Variants in RIPK4 observed in about 807,000 individuals in gnomAD.
The protein encoded by RIPK4 is receptor interacting serine/threonine kinase 4.
A neutral mutation model predicts 42.9 loss-of-function variants in RIPK4; 17 were observed. The observed-to-expected ratio is 0.40, with a 90% CI of 0.27 to 0.59. The LOEUF is 0.59. Ranked by LOEUF, RIPK4 falls within the 20% of genes least tolerant of loss-of-function variation. RIPK4 has a pLI of 0.47. For missense variants in RIPK4, 897 were observed against 1,104.4 expected (o/e 0.81, Z 2.66); for synonymous variants, 498 against 499.1 (o/e 1.00, Z 0.03).
In RIPK4 at chr21:41,741,036, C is replaced by T. The variant is rs776979756; in HGVS notation, c.2157G>A (p.Val719=). ...TGACATCGGCGCTGACCAACTCCTC[C>T]ACCACCTCCGAGTGCCCGTGGGCGG... ...LAAAHGHSEV[V]EELVSADVID... The change falls in exon 8 of 8, where the codon GTG becomes GTA. Residue 719 remains valine (V), a synonymous_variant. Coordinates refer to ENST00000332512, the MANE Select transcript of RIPK4 (RefSeq NM_020639.3). 1.7e-5 allele frequency: 28 copies of T among 1,609,622 alleles called. No homozygotes were observed. In the Admixed American group the frequency reaches 4.2e-4, roughly 24 times the overall value.
intron 7 of RIPK4, among the ~76,000 whole-genome samples, chr21:41,743,528 G>A (rs758600167): frequency 3.9e-5 from 6 of 152,188 alleles, no homozygotes; most frequent in South Asian, 2.1e-4. Context: ...GGACTGCCAC[G>A]CCCGAGACAG....
At chr21:41,762,313 AG>A (rs2061223020) in intron 1 of RIPK4, among the ~76,000 whole-genome samples, 1 of 152,174 alleles carries the variant, frequency 6.6e-6, no homozygotes, top group Admixed American at 6.5e-5. Context: ...TCTGAGGCCC[AG>A]GAGTGGGGGT....
At chr21:41,766,621 A>AC (rs1456514890) in intron 1 of RIPK4, among the ~76,000 whole-genome samples, 1 of 151,888 alleles carries the variant, frequency 6.6e-6, no homozygotes, top group Non-Finnish European at 1.5e-5. Context: ...GAGCCGCCTG[A>AC]CCCGGCCCCG....
intron 2 of RIPK4, among the ~76,000 whole-genome samples, chr21:41,756,140 G>A (rs920932861): frequency 8.5e-5 from 13 of 152,160 alleles, no homozygotes; most frequent in Non-Finnish European, 1.6e-4. Context: ...AGGGAAATGC[G>A]TCCCTTTGTT....
At chr21:41,743,356 A>T (rs2061160395) in intron 7 of RIPK4, among the ~76,000 whole-genome samples, 1 of 152,248 alleles carries the variant, frequency 6.6e-6, no homozygotes, top group African/African-American at 2.4e-5. Context: ...AGATTAGCTA[A>T]AAGAGAAGTG....
intron 1 of RIPK4, 111 bp from the exon 2 acceptor site, chr21:41,756,927 A>C: frequency 1.8e-6 from 2 of 1,084,866 alleles, no homozygotes; most frequent in Non-Finnish European, 2.6e-6. Context: ...AAATGCCTCA[A>C]GTGCACACAC....
intron 1 of RIPK4, among the ~76,000 whole-genome samples, chr21:41,761,335 C>G (rs1235544204): frequency 6.6e-6 from 1 of 152,262 alleles, no homozygotes; most frequent in Non-Finnish European, 1.5e-5. Flanking sequence ...CAACTTCCAA[C>G]CCGGCAACTG....
chr21:41,758,061 G>T (rs1407970074), intron 1 of RIPK4, among the ~76,000 whole-genome samples: 16 of 131,600 alleles, frequency 1.2e-4, no homozygotes, highest in African/African-American at 3.9e-4. Context: ...GAGAGAGAGA[G>T]AGAGAGAGAG....
At chr21:41,766,716 G>C (rs1299770502) in intron 1 of RIPK4, 144 bp downstream of exon 1, 3 of 854,990 alleles carry the variant, frequency 3.5e-6, no homozygotes, top group African/African-American at 3.6e-5. Flanking sequence ...GGAGCCCCGC[G>C]GCCTCGCCGG....
At chr21:41,766,809 C>T in intron 1 of RIPK4, 51 bp downstream of exon 1, 2 of 1,559,240 alleles carry the variant, frequency 1.3e-6, no homozygotes, top group Non-Finnish European at 1.7e-6. Flanking sequence ...ACCCCGACCC[C>T]GACCCCAGCC....
At position 41,751,073 on chromosome 21, in the gene RIPK4, G is replaced by C; in HGVS notation, c.623+24C>G. 1 of 1,605,568 alleles carries C rather than the reference G, an allele frequency of 6.2e-7. No homozygotes were observed. Among genetic ancestry groups the C allele is most frequent in the Non-Finnish European group, 8.5e-7 (1 of 1,174,546 alleles). ...TTGAGAGCCCCTGGCACCCACAGGGGATGGGGGGCGGCATGTCACACACCT... is the reference window on the plus strand; with the variant it reads ...TTGAGAGCCCCTGGCACCCACAGGGCATGGGGGGCGGCATGTCACACACCT... On this transcript the variant is annotated intron_variant, in intron 3 of 7. Transcript: ENST00000332512. The surrounding 1 kb of genome is among the most constrained non-coding windows in gnomAD (Gnocchi z 4.5).
chr21:41,741,343 T>C lies in RIPK4; in HGVS notation c.1850A>G (p.Tyr617Cys). 1 of 1,609,974 alleles carries C rather than the reference T, an allele frequency of 6.2e-7. No individual in the cohort carries two copies. Among genetic ancestry groups the C allele is most frequent in the South Asian group, 1.1e-5 (1 of 90,992 alleles). ...GTCGATGAGGATGCGGGCCACGCGG[T>C]AGTGCCCGCGCTGTGCGGCCAGGTG... is the stretch of plus-strand genomic sequence containing the variant. ...PLHLAAQRGH[Y>C]RVARILIDLC... is the part of the protein sequence containing the mutation. The change falls in exon 8 of 8, where the codon TAC (tyrosine) becomes TGC (cysteine). Residue 617 changes from tyrosine (Y) to cysteine (C), a missense_variant. Transcript: ENST00000332512.
chr21:41,746,230 G>A (rs1344796340), intron 5 of RIPK4: 2 of 602,626 alleles, frequency 3.3e-6, no homozygotes, highest in East Asian at 3.4e-5. Context: ...TCCTATGCCA[G>A]AGACACATCT....
intron 4 of RIPK4, among the ~76,000 whole-genome samples, chr21:41,747,941 G>A (rs1016490033): frequency 6.6e-5 from 10 of 152,198 alleles, no homozygotes; most frequent in South Asian, 2.1e-4. Context: ...TATGATTAGC[G>A]TTCCAATAAG....
At chr21:41,761,203 C>T (rs2061219361) in intron 1 of RIPK4, among the ~76,000 whole-genome samples, 1 of 152,230 alleles carries the variant, frequency 6.6e-6, no homozygotes, top group African/African-American at 2.4e-5. Context: ...CGTCAAGCAT[C>T]AGCTAAAATG....
At chr21:41,750,714 C>G (rs563278928) in intron 3 of RIPK4, among the ~76,000 whole-genome samples, 1 of 152,322 alleles carries the variant, frequency 6.6e-6, no homozygotes, top group South Asian at 2.1e-4. Flanking sequence ...GGGTCGCGCT[C>G]TGTTGCCCAG....
chr21:41,758,039 T>TAG lies in RIPK4; in HGVS notation c.183-1224_183-1223insCT, dbSNP rs1268153558. 2.3e-3 allele frequency among the ~76,000 whole-genome samples: 203 copies of TAG among 88,998 alleles called. 1 individual carries two copies. Among genetic ancestry groups the TAG allele is most frequent in the Non-Finnish European group, 3.3e-3 (161 of 49,014 alleles). The allele number at this position is 88,998 out of a possible 152,430, so 58.4% of individuals were successfully genotyped here. A position where few individuals can be genotyped will look rare whatever the true frequency, so the allele number is the denominator to read the frequency against. On this transcript the variant is annotated intron_variant, in intron 1 of 7. Transcript: ENST00000332512. ...AAAAAAAAATATATATATATATATA[T>TAG]ATAGAGAGAGAGAGAGAGAGAGAGA... is the stretch of plus-strand genomic sequence containing the variant.
chr21:41,744,727 C>T (rs1373346177), intron 6 of RIPK4, among the ~76,000 whole-genome samples: 1 of 152,124 alleles, frequency 6.6e-6, no homozygotes, highest in African/African-American at 2.4e-5. Context: ...TGGGCAGGAC[C>T]CCCACACGTG....
intron 1 of RIPK4, 125 bp from the exon 2 acceptor site, chr21:41,756,941 G>A (rs1696871324): frequency 1.9e-5 from 18 of 929,404 alleles, no homozygotes; most frequent in South Asian, 3.4e-5. Context: ...CACACACATG[G>A]GGCACACTTC....
Sources: gnomAD v4.1 joint callset for allele counts (sites outside exome capture counted in the v4.1 genomes callset) on GRCh38, gnomAD v4.1.1 for gene constraint, Gnocchi (gnomAD v3.1) non-coding constraint, MANE v1.5 for transcripts, NCBI Gene and HGNC (gene_info 2026-07-23, HGNC 2026-07-21) for gene names.